The following L3MBTL3 variants were observed in gnomAD, a reference collection of about 807,000 sequenced individuals.
L3MBTL3 encodes the protein lethal(3)malignant brain tumor-like protein 3.
Under a neutral mutation model 102.3 loss-of-function variants are expected in L3MBTL3, and 27 were observed. The ratio of observed to expected loss-of-function variants is 0.26; its 90% CI spans 0.19 to 0.36. L3MBTL3 has a LOEUF of 0.36. Ranked by LOEUF, L3MBTL3 falls within the 10% of genes least tolerant of loss-of-function variation. L3MBTL3 has a pLI of 1.00. For missense variants in L3MBTL3, 798 were observed against 955.3 expected (o/e 0.84, Z 2.17); for synonymous variants, 340 against 320.9 (o/e 1.06, Z -0.64).
At chr6:130,060,702 A>ATT (rs34504067) in intron 10 of L3MBTL3, among the ~76,000 whole-genome samples, 183 of 143,406 alleles carry the variant, frequency 1.3e-3, no homozygotes, top group Non-Finnish European at 1.8e-3. Context: ...ACAGATACTT[A>ATT]TTTTTTTTTT....
intron 19 of L3MBTL3, among the ~76,000 whole-genome samples, chr6:130,113,439 T>C (rs6918656): frequency 0.98 from 149,056 of 152,314 alleles, 73,018 homozygotes; most frequent in Middle Eastern, 1. Flanking sequence ...ATCTATTCTA[T>C]AGCTGCTTAT....
intron 9 of L3MBTL3, 122 bp downstream of exon 9, chr6:130,057,619 T>C (rs770576219): frequency 2.5e-6 from 2 of 802,742 alleles, no homozygotes; most frequent in Non-Finnish European, 4.0e-6. Context: ...ACAGTTTTCA[T>C]GCGTGTGTTT....
intron 1 of L3MBTL3, among the ~76,000 whole-genome samples, chr6:130,021,296 C>T (rs1778998684): frequency 6.6e-6 from 1 of 152,138 alleles, no homozygotes; most frequent in Non-Finnish European, 1.5e-5. Flanking sequence ...CTACGTAGTC[C>T]GTTCAGACGT....
At chr6:130,115,614 C>T (rs1785619013) in intron 19 of L3MBTL3, among the ~76,000 whole-genome samples, 1 of 152,084 alleles carries the variant, frequency 6.6e-6, no homozygotes, top group Admixed American at 6.5e-5. Flanking sequence ...TATCACAAAG[C>T]ATAATTAGAT....
intron 2 of L3MBTL3, among the ~76,000 whole-genome samples, chr6:130,042,367 C>T (rs1780475378): frequency 6.6e-6 from 1 of 152,124 alleles, no homozygotes; most frequent in Admixed American, 6.5e-5. Flanking sequence ...GAATTCTATC[C>T]ATATGGCATT....
At chr6:130,132,176 C>CCATTCACAGCCACA (rs1787121760) in intron 20 of L3MBTL3, among the ~76,000 whole-genome samples, 1 of 152,132 alleles carries the variant, frequency 6.6e-6, no homozygotes, top group Non-Finnish European at 1.5e-5. Context: ...AAAAACCATA[C>CCATTCACAGCCACA]AAGAAAGAGA....
At chr6:130,019,250 G>T (rs1178084462) in intron 1 of L3MBTL3, 1 of 145,604 alleles carries the variant, frequency 6.9e-6, no homozygotes, top group Admixed American at 6.8e-5. Flanking sequence ...GCGTGTCCGG[G>T]TGGGCGCCGC....
At chr6:130,070,783 CTTTTTTTTTTTTT>C (rs774204472) in intron 12 of L3MBTL3, 180 bp from the exon 13 acceptor site, 3 of 110,312 alleles carry the variant, frequency 2.7e-5, no homozygotes, top group African/African-American at 6.0e-5. Context: ...ACAGTAGGAC[CTTTTTTTTTTTTT>C]TTTTTTTTTT....
chr6:130,118,599 A>C (rs1672636991), intron 19 of L3MBTL3, among the ~76,000 whole-genome samples: 1 of 152,238 alleles, frequency 6.6e-6, no homozygotes, highest in Admixed American at 6.5e-5. Flanking sequence ...TTGCAGAATC[A>C]ATACATTAAC....
intron 12 of L3MBTL3, among the ~76,000 whole-genome samples, chr6:130,069,916 CT>C (rs1409146638): frequency 6.6e-6 from 1 of 152,182 alleles, no homozygotes; most frequent in Non-Finnish European, 1.5e-5. Flanking sequence ...GTAAAGATTT[CT>C]GTATAGCATT....
At chr6:130,065,743 C>T (rs775076959) in intron 10 of L3MBTL3, among the ~76,000 whole-genome samples, 3 of 152,176 alleles carry the variant, frequency 2.0e-5, no homozygotes, top group Non-Finnish European at 2.9e-5. Flanking sequence ...GCCTATATGA[C>T]CTTCTAAATC....
At chr6:130,130,192 T>A (rs1362086658) in intron 20 of L3MBTL3, among the ~76,000 whole-genome samples, 1 of 152,184 alleles carries the variant, frequency 6.6e-6, no homozygotes, top group Non-Finnish European at 1.5e-5. Context: ...GTCATTTCCT[T>A]AGAATGGGTT....
At position 130,133,542 on chromosome 6, in the gene L3MBTL3, G is replaced by T. The variant is rs769544082; in HGVS notation, c.2057G>T (p.Arg686Leu). The T allele has an allele frequency of 1.2e-6, 2 of 1,614,076 alleles. No individual in the cohort carries two copies. Among genetic ancestry groups the T allele is most frequent in the Non-Finnish European group, 1.7e-6 (2 of 1,179,998 alleles). Residue 686 changes from arginine (R) to leucine (L), a missense_variant, in exon 21 of 23, where the codon CGC (arginine) becomes CTC (leucine). Around this residue, in one of 4 missense-constraint regions of L3MBTL3, gnomAD observed 306 missense variants for 314.4 expected, o/e 0.97. Transcript: ENST00000361794. This position sits in a 1 kb window ranked among gnomAD's most constrained non-coding sequence, Gnocchi z 4.9. ...TCCCCAATTCCATGTCTGCCCTTGC[G>T]CTGGGAGCAGCAAAGCAAACTTCTT... Reference protein sequence around the residue: ...FKSPIPCLPLRWEQQSKLLPT... With the variant: ...FKSPIPCLPLLWEQQSKLLPT...
At chr6:130,135,070 CTT>C (rs5880000) in intron 22 of L3MBTL3, among the ~76,000 whole-genome samples, 36 of 127,378 alleles carry the variant, frequency 2.8e-4, no homozygotes, top group Non-Finnish European at 4.8e-4. Context: ...CTGTTTTTTC[CTT>C]TTTTTTTTTT....
chr6:130,122,625 T>C (rs1786308989), intron 20 of L3MBTL3, among the ~76,000 whole-genome samples: 1 of 152,266 alleles, frequency 6.6e-6, no homozygotes, highest in Non-Finnish European at 1.5e-5. Flanking sequence ...TTAAAATGTT[T>C]CTGATTATGG....
chr6:130,082,709 G>A (rs1001283412), intron 14 of L3MBTL3, among the ~76,000 whole-genome samples: 2 of 152,178 alleles, frequency 1.3e-5, no homozygotes, highest in African/African-American at 4.8e-5. Flanking sequence ...TAGAAACTAA[G>A]ATCTGAACAC....
intron 16 of L3MBTL3, among the ~76,000 whole-genome samples, chr6:130,089,644 T>C (rs1783911183): frequency 6.6e-6 from 1 of 152,200 alleles, no homozygotes; most frequent in Admixed American, 6.5e-5. Context: ...ATCGCCACAC[T>C]GTCTTCCACA....
intron 19 of L3MBTL3, among the ~76,000 whole-genome samples, chr6:130,106,692 C>G (rs1784998097): frequency 6.6e-6 from 1 of 152,130 alleles, no homozygotes; most frequent in South Asian, 2.1e-4. Flanking sequence ...GAATTCTTCT[C>G]CTAATCATCT....
intron 3 of L3MBTL3, 46 bp from the exon 4 acceptor site, chr6:130,049,236 T>C (rs768643548): frequency 1.0e-4 from 112 of 1,077,784 alleles, no homozygotes; most frequent in Middle Eastern, 6.1e-4. Context: ...TTAATGACTT[T>C]CCTGAGCACT....
Sources: gnomAD v4.1 joint callset for allele counts (sites outside exome capture counted in the v4.1 genomes callset) on GRCh38, gnomAD v4.1.1 for gene constraint, gnomAD v4.1.1 regional missense constraint, Gnocchi (gnomAD v3.1) non-coding constraint, MANE v1.5 for transcripts, NCBI Gene and HGNC (gene_info 2026-07-23, HGNC 2026-07-21) for gene names.